The following FRMPD4 variants were observed in gnomAD, a reference collection of about 807,000 sequenced individuals.
FRMPD4 encodes FERM and PDZ domain-containing protein 4.
A neutral mutation model predicts 94.1 loss-of-function variants in FRMPD4; 22 were observed. That is an observed-to-expected ratio of 0.23 (90% CI 0.17 to 0.33). FRMPD4 has a LOEUF of 0.33. Among genes scored for constraint, FRMPD4 ranks in the 10% least tolerant of loss-of-function variants. FRMPD4 has a pLI of 1.00. For synonymous variants in FRMPD4, 631 were observed against 548.6 expected, an observed-to-expected ratio of 1.15 and a Z score of -2.10; for missense variants, 1,111 against 1,339.9, an observed-to-expected ratio of 0.83 and a Z score of 2.67.
rs147493802 is a variant in FRMPD4, at chrX:11,896,992, T to A, written c.95+18974T>A. On this transcript the variant is annotated intron_variant, in intron 3 of 18. Transcript: ENST00000640291. ...TTGGAGTAGTGAGGACTTAAACTGG[T>A]CTTGTGTTTGGGGGTTTGGAAGCTG... is the stretch of plus-strand genomic sequence containing the variant. Among the ~76,000 whole-genome samples, 1,103 of 110,505 alleles carry A rather than the reference T, an allele frequency of 1.0e-2. 19 individuals are homozygous for A. The highest frequency in any genetic ancestry group is 0.035 in the African/African-American group (1,057 of 30,380).
intron 1 of FRMPD4, among the ~76,000 whole-genome samples, chrX:12,462,496 CTCA>C (rs1316997406): frequency 9.0e-6 from 1 of 111,712 alleles, no homozygotes; most frequent in Non-Finnish European, 1.9e-5. Context: ...GGATTAGTAA[CTCA>C]TCATTACCAA....
chrX:12,512,612 C>G (rs2058055194), intron 2 of FRMPD4, among the ~76,000 whole-genome samples: 1 of 112,575 alleles, frequency 8.9e-6, no homozygotes. Context: ...TTTCTTTATC[C>G]AGTCTATCAT....
intron 2 of FRMPD4, among the ~76,000 whole-genome samples, chrX:12,560,015 G>A (rs2058636444): frequency 2.4e-5 from 1 of 41,545 alleles, no homozygotes; most frequent in South Asian, 7.6e-4. Flanking sequence ...GATTTATTGA[G>A]TTCGGGAAGT....
At chrX:12,527,297 A>C (rs1457464768) in intron 2 of FRMPD4, among the ~76,000 whole-genome samples, 1 of 111,415 alleles carries the variant, frequency 9.0e-6, no homozygotes, top group African/African-American at 3.3e-5. Context: ...GTCCTCACCT[A>C]GAGAACTCAC....
intron 1 of FRMPD4, among the ~76,000 whole-genome samples, chrX:12,371,592 G>A (rs1387690808): frequency 1.8e-5 from 2 of 111,927 alleles, no homozygotes; most frequent in African/African-American, 6.5e-5. Flanking sequence ...AGTAACGATT[G>A]CAATCATTTA....
rs1173963808 is a variant in FRMPD4 at position 12,332,190 on chromosome X, TTATATA to T, written c.42-166477_42-166472del. On this transcript the variant is annotated intron_variant, in intron 1 of 16. Coordinates refer to ENST00000675598, the MANE Select transcript of FRMPD4 (RefSeq NM_001368397.1). ...ATTTTACATATATATAATTTATATT[TTATATA>T]TATATATATATAGAGAGAGAGAGAG... 3.8e-4 allele frequency among the ~76,000 whole-genome samples: 24 copies of T among 63,441 alleles called. 1 individual carries two copies. Among genetic ancestry groups the T allele is most frequent in the African/African-American group, 6.0e-4 (7 of 11,580 alleles). The allele number at this position is 63,441 out of a possible 115,157, so 55.1% of individuals were successfully genotyped here.
intron 1 of FRMPD4, among the ~76,000 whole-genome samples, chrX:12,487,986 C>CA (rs1242623689): frequency 2.7e-5 from 3 of 111,940 alleles, no homozygotes; most frequent in Non-Finnish European, 1.9e-5. Flanking sequence ...ATATATAACC[C>CA]ATTAAAAATA....
chrX:12,173,963 C>T (rs926371334), intron 1 of FRMPD4, among the ~76,000 whole-genome samples: 1 of 111,553 alleles, frequency 9.0e-6, no homozygotes, highest in East Asian at 2.8e-4. Context: ...CTTACTGTCC[C>T]AGGCTGGGAC....
intron 1 of FRMPD4, among the ~76,000 whole-genome samples, chrX:12,144,983 T>C (rs922975631): frequency 1.2e-4 from 13 of 110,916 alleles, no homozygotes; most frequent in Non-Finnish European, 2.1e-4. Context: ...GAAAGAAATG[T>C]TTCCAAAGTT....
chrX:11,866,536 C>T (rs970958997), intron 2 of FRMPD4, among the ~76,000 whole-genome samples: 8 of 111,596 alleles, frequency 7.2e-5, no homozygotes, highest in African/African-American at 2.3e-4. Context: ...CTTACTTGTT[C>T]ACATATCACC....
At chrX:12,436,411 GT>G (rs2057067976) in intron 1 of FRMPD4, among the ~76,000 whole-genome samples, 4 of 111,016 alleles carry the variant, frequency 3.6e-5, no homozygotes. Flanking sequence ...GCTTTATTGA[GT>G]AACTCTGGTG....
intron 3 of FRMPD4, among the ~76,000 whole-genome samples, chrX:12,610,101 C>A (rs921923116): frequency 8.9e-6 from 1 of 112,161 alleles, no homozygotes; most frequent in Non-Finnish European, 1.9e-5. Context: ...AAATACTGAG[C>A]CATCATCTAT....
chrX:12,065,512 A>C (rs1170260201), intron 3 of FRMPD4, among the ~76,000 whole-genome samples: 5 of 111,685 alleles, frequency 4.5e-5, no homozygotes, highest in Non-Finnish European at 9.4e-5. Context: ...TGGCTGCCTG[A>C]TGGCTATATT....
intron 1 of FRMPD4, among the ~76,000 whole-genome samples, chrX:12,333,278 C>T (rs2055461022): frequency 9.0e-6 from 1 of 110,882 alleles, no homozygotes; most frequent in Non-Finnish European, 1.9e-5. Context: ...CTATATGATT[C>T]ATTACCTAAG....
chrX:11,873,259 A>T (rs2053765002), intron 2 of FRMPD4, among the ~76,000 whole-genome samples: 1 of 111,353 alleles, frequency 9.0e-6, no homozygotes, highest in Middle Eastern at 4.6e-3. Flanking sequence ...GCAAGAAAAA[A>T]AAAACAGATT....
Position 12,332,205 on chromosome X carries a change from T to TAG in FRMPD4, c.42-166474_42-166473insGA, listed in dbSNP as rs1417542016. ...AATTTATATTTTATATATATATATA[T>TAG]ATAGAGAGAGAGAGAGAGAGAGAGA... On this transcript the variant is annotated intron_variant, in intron 1 of 16. Coordinates refer to ENST00000675598, the MANE Select transcript of FRMPD4 (RefSeq NM_001368397.1). Among the ~76,000 whole-genome samples, 223 of 65,968 alleles carry TAG rather than the reference T, an allele frequency of 3.4e-3. 8 individuals are homozygous for TAG. Among genetic ancestry groups the TAG allele is most frequent in the East Asian group, 0.011 (30 of 2,650 alleles). The allele number at this position is 65,968 out of a possible 115,157, so 57.3% of individuals were successfully genotyped here.
At chrX:12,653,080 G>A (rs1340105471) in intron 4 of FRMPD4, among the ~76,000 whole-genome samples, 2 of 111,724 alleles carry the variant, frequency 1.8e-5, no homozygotes, top group East Asian at 2.8e-4. Flanking sequence ...TTTCAGCCAC[G>A]CAGCTTTATG....
chrX:12,219,586 T>C (rs1326776627), intron 1 of FRMPD4, among the ~76,000 whole-genome samples: 2 of 112,159 alleles, frequency 1.8e-5, no homozygotes, highest in Non-Finnish European at 1.9e-5. Flanking sequence ...GTTTTAAAAG[T>C]CAGCTTCCCA....
intron 3 of FRMPD4, among the ~76,000 whole-genome samples, chrX:12,041,551 A>G (rs2054755535): frequency 9.1e-6 from 1 of 109,991 alleles, no homozygotes; most frequent in African/African-American, 3.3e-5. Context: ...GTATATCATG[A>G]GTCATTTTTT....
Sources: gnomAD v4.1 joint callset for allele counts (sites outside exome capture counted in the v4.1 genomes callset) on GRCh38, gnomAD v4.1.1 for gene constraint, MANE v1.5 for transcripts, NCBI Gene and HGNC (gene_info 2026-07-23, HGNC 2026-07-21) for gene names.